MIPEP: variants seen among roughly 807,000 people sequenced by gnomAD.
MIPEP encodes the protein mitochondrial intermediate peptidase.
Under a neutral mutation model 90.3 loss-of-function variants are expected in MIPEP, and 79 were observed. The observed-to-expected ratio is 0.87, with a 90% CI of 0.73 to 1.05. The LOEUF (loss-of-function observed/expected upper bound fraction) is 1.05, where lower values mean the gene tolerates loss of function less well. Ranked by LOEUF, MIPEP falls within the 50% of genes least tolerant of loss-of-function variation. The pLI, the probability that MIPEP is intolerant of heterozygous loss-of-function variation, is 0.00. For synonymous variants in MIPEP, 334 were observed against 315.8 expected (o/e 1.06, Z -0.61); for missense variants, 940 against 905.6 (o/e 1.04, Z -0.49).
At chr13:23,831,621 G>C (rs1316952878) in intron 14 of MIPEP, among the ~76,000 whole-genome samples, 1 of 152,062 alleles carries the variant, frequency 6.6e-6, no homozygotes, top group Non-Finnish European at 1.5e-5. Context: ...AAATACAAGA[G>C]GCAACCTCGC....
intron 1 of MIPEP, among the ~76,000 whole-genome samples, chr13:23,886,848 T>TAC (rs1555243567): frequency 1.3e-5 from 2 of 151,730 alleles, no homozygotes; most frequent in Admixed American, 1.3e-4. Context: ...TATATATATA[T>TAC]ACATAAAGCA....
At position 23,738,255 on chromosome 13, in the gene MIPEP, T is replaced by C. The variant is rs561011549; in HGVS notation, c.2045-7810A>G. ...TGGGCTGCATGTGGCCCAGGATGAC[T>C]CTGAATGTGCCCCAACACAAATTCA... On this transcript the variant is annotated intron_variant, in intron 18 of 18. Transcript: ENST00000382172. Among the ~76,000 whole-genome samples the C allele has an allele frequency of 2.0e-3, 300 of 152,240 alleles. 4 individuals are homozygous for C. The highest frequency in any genetic ancestry group is 7.0e-3 in the African/African-American group (290 of 41,534).
chr13:23,756,073 C>T (rs1370465632), intron 18 of MIPEP, among the ~76,000 whole-genome samples: 1 of 152,148 alleles, frequency 6.6e-6, no homozygotes, highest in African/African-American at 2.4e-5. Flanking sequence ...ATCATGGCAA[C>T]TAAAAATTAA....
rs376066478 is a variant in MIPEP, at chr13:23,886,510, A to T, written c.190-4T>A. 3.0e-5 allele frequency: 47 copies of T among 1,555,374 alleles called. No individual in the cohort carries two copies. The highest frequency in any genetic ancestry group is 4.0e-5 in the Non-Finnish European group (46 of 1,152,540). On this transcript the variant is annotated splice_region_variant and splice_polypyrimidine_tract_variant and intron_variant, in intron 1 of 18. Coordinates refer to ENST00000382172, the MANE Select transcript of MIPEP (RefSeq NM_005932.4). ...GCTCAGGAACTCCAAAAAGACCCTT[A>T]GAACCAAAGAATACGTCTGATTTAT...
At chr13:23,838,715 G>C (rs12866011) in intron 12 of MIPEP, among the ~76,000 whole-genome samples, 32,887 of 152,036 alleles carry the variant, frequency 0.22, 4,218 homozygotes, top group East Asian at 0.44. Flanking sequence ...TGACTATTAG[G>C]AGCCAGGGCT....
chr13:23,761,649 C>T (rs966521702), intron 16 of MIPEP, among the ~76,000 whole-genome samples: 6 of 152,182 alleles, frequency 3.9e-5, no homozygotes, highest in Non-Finnish European at 5.9e-5. Context: ...TATGCAAGCA[C>T]GGCACACGAG....
At chr13:23,750,110 T>G (rs1952426493) in intron 18 of MIPEP, among the ~76,000 whole-genome samples, 1 of 152,120 alleles carries the variant, frequency 6.6e-6, no homozygotes, top group African/African-American at 2.4e-5. Context: ...TTCAGGATAG[T>G]TTTATATTTA....
At chr13:23,773,592 G>A (rs1045536414) in intron 16 of MIPEP, among the ~76,000 whole-genome samples, 1 of 152,140 alleles carries the variant, frequency 6.6e-6, no homozygotes, top group African/African-American at 2.4e-5. Context: ...CAACGTATGA[G>A]GGTTCCAATT....
chr13:23,765,023 C>G (rs1198093683), intron 16 of MIPEP, among the ~76,000 whole-genome samples: 1 of 152,214 alleles, frequency 6.6e-6, no homozygotes, highest in African/African-American at 2.4e-5. Flanking sequence ...TCAATGAATA[C>G]AGTCGAATAC....
In MIPEP at chr13:23,870,032, G is replaced by A. The variant is rs750428353; in HGVS notation, c.767C>T (p.Ala256Val). ...GDHIIIDGLH[A>V]ESPDDLVREA... ...ACATACCAAGTCATCTGGTGATTCT[G>A]CGTGGAGACCATCAATTATGATATG... is the stretch of plus-strand genomic sequence containing the variant. The change falls in exon 6 of 19, where the codon GCA (alanine) becomes GTA (valine). Residue 256 changes from alanine (A) to valine (V), a missense_variant. Transcript: ENST00000382172. 28 of 1,600,608 alleles carry A rather than the reference G, an allele frequency of 1.7e-5. No homozygotes were observed. The East Asian group carries it at 5.7e-4, about 32-fold the overall frequency.
Position 23,862,332 on chromosome 13 carries a change from C to A in MIPEP, c.1023G>T (p.Gly341=). Residue 341 remains glycine (G), a synonymous_variant, in exon 9 of 19, where the codon GGG becomes GGT. Coordinates refer to ENST00000382172, the MANE Select transcript of MIPEP (RefSeq NM_005932.4). The stretch of plus-strand genomic sequence containing the variant: ...TTTGAGGATTCAGTTTCATTTTCAT[C>A]CCTCGTATCATCTCAAAATCTTTCA... ...RTLKDFEMIR[G]MKMKLNPQNS... The A allele has an allele frequency of 6.3e-7, 1 of 1,586,046 alleles. No homozygotes were observed. Among genetic ancestry groups the A allele is most frequent in the Non-Finnish European group, 8.6e-7 (1 of 1,160,522 alleles).
chr13:23,879,258 G>T lies in MIPEP; in HGVS notation c.539+10C>A, dbSNP rs766716943. 4 of 1,561,136 alleles carry T rather than the reference G, an allele frequency of 2.6e-6. No homozygotes were observed. In the Admixed American group the frequency reaches 6.8e-5, roughly 26 times the overall value. On this transcript the variant is annotated intron_variant, in intron 4 of 18. Coordinates refer to ENST00000382172, the MANE Select transcript of MIPEP (RefSeq NM_005932.4). ...ACAGTCACAATCAAGGCAAAGAAAT[G>T]AGTGAGTACCTTGTTTCTGGATCAA...
intron 1 of MIPEP, chr13:23,888,202 T>C (rs1196278084): frequency 6.7e-6 from 2 of 299,404 alleles, no homozygotes; most frequent in Non-Finnish European, 1.3e-5. Context: ...CAAGTAGGTC[T>C]CTTCACACCA....
chr13:23,740,165 C>T (rs1739010394), intron 18 of MIPEP, among the ~76,000 whole-genome samples: 1 of 152,154 alleles, frequency 6.6e-6, no homozygotes, highest in South Asian at 2.1e-4. Context: ...TATCTGGTCC[C>T]AAAACGTCAA....
At chr13:23,824,660 T>C (rs1160982021) in intron 14 of MIPEP, among the ~76,000 whole-genome samples, 1 of 152,220 alleles carries the variant, frequency 6.6e-6, no homozygotes, top group Non-Finnish European at 1.5e-5. Context: ...CTGGATTGCA[T>C]GTCTCAACTA....
chr13:23,774,220 G>A (rs1157088281), intron 16 of MIPEP, among the ~76,000 whole-genome samples: 2 of 151,904 alleles, frequency 1.3e-5, no homozygotes, highest in Non-Finnish European at 1.5e-5. Context: ...GAACATAAAT[G>A]TATGGCTTTT....
At chr13:23,873,242 G>A (rs1372509862) in intron 5 of MIPEP, among the ~76,000 whole-genome samples, 1 of 152,228 alleles carries the variant, frequency 6.6e-6, no homozygotes, top group African/African-American at 2.4e-5. Context: ...GTGTATGAGG[G>A]GCTGACAGCC....
At chr13:23,853,846 A>T (rs113927699) in intron 10 of MIPEP, among the ~76,000 whole-genome samples, 1 of 151,630 alleles carries the variant, frequency 6.6e-6, no homozygotes, top group Non-Finnish European at 1.5e-5. Context: ...GATTACAGGC[A>T]TGAGCCACTG....
chr13:23,837,738 G>T lies in MIPEP; in HGVS notation c.1357C>A (p.Arg453Ser). The T allele has an allele frequency of 6.2e-7, 1 of 1,611,832 alleles. No individual in the cohort carries two copies. The highest frequency in any genetic ancestry group is 1.1e-5 in the South Asian group (1 of 91,020). The change falls in exon 13 of 19, where the codon CGT becomes AGT. Residue 453 changes from arginine (R) to serine (S), a missense_variant. Physicochemically the swap from Arg to Ser is moderately radical, Grantham distance 110. Transcript: ENST00000382172. ...CCATCTTCCTTTAGTCTGCCTCCAC[G>T]GATAGTGAAATGGCAATCCTTTAAG... Reference protein sequence around the residue: ...KPHQDCHFTIRGGRLKEDGDY... With the variant: ...KPHQDCHFTISGGRLKEDGDY...
Sources: allele counts gnomAD v4.1 joint callset (sites outside exome capture counted in the v4.1 genomes callset), GRCh38; gene constraint gnomAD v4.1.1; transcripts MANE v1.5; gene names NCBI Gene and HGNC (gene_info 2026-07-23, HGNC 2026-07-21).